The following EPHB1 variants were observed in gnomAD, a reference collection of about 807,000 sequenced individuals.
The protein encoded by EPHB1 is ephrin type-B receptor 1.
Under a neutral mutation model 94.4 loss-of-function variants are expected in EPHB1, and 30 were observed. That is an observed-to-expected ratio of 0.32 (90% CI 0.24 to 0.43). The LOEUF (loss-of-function observed/expected upper bound fraction) is 0.43. EPHB1 is among the 20% of genes least tolerant of loss of function. The pLI is 1.00. For synonymous variants in EPHB1, 522 were observed against 489.1 expected (o/e 1.07, Z -0.89); for missense variants, 1,055 against 1,308.3 (o/e 0.81, Z 2.99).
intron 3 of EPHB1, among the ~76,000 whole-genome samples, chr3:134,960,814 T>A (rs1455906265): frequency 6.6e-6 from 1 of 152,226 alleles, no homozygotes; most frequent in East Asian, 1.9e-4. Context: ...TCATTGAGGA[T>A]AGGACCTAGT....
intron 6 of EPHB1, among the ~76,000 whole-genome samples, chr3:135,158,254 TTCATCTTGTGCCATC>T (rs1189512610): frequency 1.3e-5 from 2 of 152,228 alleles, no homozygotes; most frequent in Non-Finnish European, 2.9e-5. Context: ...CCATTATTTC[TTCATCTTGTGCCATC>T]TCCTCTTCCC....
rs1405659429 is a variant in EPHB1 at position 134,821,999 on chromosome 3, A to G, written c.58+26310A>G. Among the ~76,000 whole-genome samples, 71 of 152,336 alleles carry G rather than the reference A, an allele frequency of 4.7e-4. 1 individual carries two copies. The highest frequency in any genetic ancestry group is 1.5e-5 in the Non-Finnish European group (1 of 68,038). ...GAACTTTGGTTAAACGCAAAGTGAA[A>G]GACAATGTTGAAAAGGAGGAGGAGG... On this transcript the variant is annotated intron_variant, in intron 1 of 15. Transcript: ENST00000398015.
At chr3:135,178,794 C>T (rs1942065991) in intron 9 of EPHB1, among the ~76,000 whole-genome samples, 1 of 152,134 alleles carries the variant, frequency 6.6e-6, no homozygotes, top group African/African-American at 2.4e-5. Flanking sequence ...CTGCCTTCCC[C>T]TGCTGACCTG....
At chr3:135,047,076 T>C (rs1055995416) in intron 3 of EPHB1, among the ~76,000 whole-genome samples, 1 of 152,098 alleles carries the variant, frequency 6.6e-6, no homozygotes, top group African/African-American at 2.4e-5. Flanking sequence ...CCGAGGCTTA[T>C]GTTTTCTTCT....
intron 1 of EPHB1, among the ~76,000 whole-genome samples, chr3:134,804,697 C>A (rs781005472): frequency 2.0e-5 from 3 of 152,164 alleles, no homozygotes; most frequent in Non-Finnish European, 4.4e-5. Flanking sequence ...TCCTGCTTAC[C>A]CTTGGCCTGG....
intron 12 of EPHB1, among the ~76,000 whole-genome samples, chr3:135,227,058 A>G (rs1330280762): frequency 6.6e-6 from 1 of 152,194 alleles, no homozygotes; most frequent in Non-Finnish European, 1.5e-5. Context: ...AAAATCCACT[A>G]TTCAGTACCA....
chr3:135,176,029 T>C (rs1386322476), intron 9 of EPHB1, among the ~76,000 whole-genome samples: 4 of 150,014 alleles, frequency 2.7e-5, no homozygotes, highest in Admixed American at 2.0e-4. Flanking sequence ...CTGTTCTGCC[T>C]AGCTAAAGGC....
chr3:135,007,148 T>C (rs543068203), intron 3 of EPHB1, among the ~76,000 whole-genome samples: 1 of 152,262 alleles, frequency 6.6e-6, no homozygotes, highest in African/African-American at 2.4e-5. Flanking sequence ...GCCTCAACTT[T>C]ATCATGTGAT....
intron 1 of EPHB1, among the ~76,000 whole-genome samples, chr3:134,811,758 T>A (rs2036184781): frequency 6.6e-6 from 1 of 152,238 alleles, no homozygotes; most frequent in African/African-American, 2.4e-5. Flanking sequence ...TGGCAGCGAC[T>A]TAGTGGGCCC....
At chr3:135,108,709 CT>C in intron 4 of EPHB1, among the ~76,000 whole-genome samples, 1 of 152,326 alleles carries the variant, frequency 6.6e-6, no homozygotes, top group Admixed American at 6.5e-5. Context: ...TCCCTTCTTC[CT>C]TCTTTTCTCT....
At chr3:134,971,077 G>A (rs1933953200) in intron 3 of EPHB1, among the ~76,000 whole-genome samples, 1 of 152,152 alleles carries the variant, frequency 6.6e-6, no homozygotes, top group Non-Finnish European at 1.5e-5. Flanking sequence ...CAGGATGGAG[G>A]GGAAAGCTGT....
At chr3:134,811,935 A>AC (rs2036187645) in intron 1 of EPHB1, among the ~76,000 whole-genome samples, 1 of 152,174 alleles carries the variant, frequency 6.6e-6, no homozygotes, top group Non-Finnish European at 1.5e-5. Flanking sequence ...ATCCAGAAGG[A>AC]CCCAGATAAG....
At chr3:135,254,759 T>C (rs1477872495) in intron 15 of EPHB1, among the ~76,000 whole-genome samples, 10 of 152,126 alleles carry the variant, frequency 6.6e-5, no homozygotes, top group Non-Finnish European at 1.2e-4. Flanking sequence ...TTCCCTCTTT[T>C]TCTATTGATT....
At chr3:134,861,951 C>A (rs2037270714) in intron 1 of EPHB1, among the ~76,000 whole-genome samples, 1 of 152,148 alleles carries the variant, frequency 6.6e-6, no homozygotes, top group Non-Finnish European at 1.5e-5. Context: ...CACAGCCAAG[C>A]TTGGGTATTC....
rs1943780545 is a variant in EPHB1, at chr3:135,241,419, G to C, written c.2496+122G>C. On this transcript the variant is annotated intron_variant, in intron 13 of 15. Coordinates refer to ENST00000398015, the MANE Select transcript of EPHB1 (RefSeq NM_004441.5). The stretch of plus-strand genomic sequence containing the variant: ...ATAATCTGAACCTGCAGTGTTCAGG[G>C]TAGGGGATACAGGGACACCCTTAGC... The C allele has an allele frequency of 3.2e-6, 4 of 1,261,528 alleles. No homozygotes were observed. In the African/African-American group the frequency reaches 5.9e-5, roughly 19 times the overall value. 78.1% of individuals were successfully genotyped at this position (1,261,528 alleles called of 1,614,324 possible). A position where few individuals can be genotyped will look rare whatever the true frequency, so the allele number is the denominator to read the frequency against.
rs189668389 is a variant in EPHB1 at position 135,126,854 on chromosome 3, C to T, written c.962-5860C>T. ...CCCCAACATAGGTTCCATGACCTCA[C>T]GGCTTTCACAGTCTTTAGCATAATT... On this transcript the variant is annotated intron_variant, in intron 4 of 15. Transcript: ENST00000398015. Among the ~76,000 whole-genome samples, 148 of 152,298 alleles carry T rather than the reference C, an allele frequency of 9.7e-4. No homozygotes were observed. In the South Asian group the frequency reaches 0.013, roughly 13 times the overall value.
At chr3:135,032,438 A>G (rs1936509700) in intron 3 of EPHB1, among the ~76,000 whole-genome samples, 1 of 151,438 alleles carries the variant, frequency 6.6e-6, no homozygotes, top group South Asian at 2.1e-4. Flanking sequence ...CTCTCTGAGG[A>G]TATTTATTCT....
intron 12 of EPHB1, among the ~76,000 whole-genome samples, chr3:135,207,028 A>G (rs1942918317): frequency 6.6e-6 from 1 of 152,250 alleles, no homozygotes; most frequent in Admixed American, 6.5e-5. Flanking sequence ...GTGGATTTTG[A>G]CTGAAATTCT....
chr3:135,014,838 G>A (rs1935739583), intron 3 of EPHB1, among the ~76,000 whole-genome samples: 1 of 152,198 alleles, frequency 6.6e-6, no homozygotes, highest in Non-Finnish European at 1.5e-5. Flanking sequence ...TTTCATGCAG[G>A]CATAAATCAC....
Sources: gnomAD v4.1 joint callset for allele counts (sites outside exome capture counted in the v4.1 genomes callset) on GRCh38, gnomAD v4.1.1 for gene constraint, MANE v1.5 for transcripts, NCBI Gene and HGNC (gene_info 2026-07-23, HGNC 2026-07-21) for gene names.